The following MSR1 variants were observed in gnomAD, a reference collection of about 807,000 sequenced individuals.
The protein encoded by MSR1 is macrophage scavenger receptor types I and II.
In MSR1, 53 loss-of-function variants were observed where a neutral mutation model predicts 47.2. That is an observed-to-expected ratio of 1.12 (90% CI 0.90 to 1.41). The LOEUF is 1.41. Ranked by LOEUF, MSR1 falls within the 40% of genes most tolerant of loss-of-function variation. The pLI is 0.00. For missense variants in MSR1, 786 were observed against 546.9 expected, an observed-to-expected ratio of 1.44 and a Z score of -4.36; for synonymous variants, 239 against 185.6, an observed-to-expected ratio of 1.29 and a Z score of -2.34.
rs200325829 is a variant in MSR1, at chr8:16,184,806, A to AT, written c.-4-6815dup. ...TCTTTAAGTTTCTAACCTTTGATTT[A>AT]TTTTTTTTTAGCATATAGAAGTGAT... On this transcript the variant is annotated intron_variant, in intron 1 of 9. Transcript: ENST00000262101. Among the ~76,000 whole-genome samples, 627 of 150,870 alleles carry AT rather than the reference A, an allele frequency of 4.2e-3. 25 individuals are homozygous for AT. In the East Asian group the frequency reaches 0.098, roughly 24 times the overall value.
intron 9 of MSR1, 92 bp downstream of exon 9, chr8:16,120,326 G>C (rs1478719432): frequency 6.6e-6 from 9 of 1,362,222 alleles, no homozygotes; most frequent in Middle Eastern, 1.8e-4. Flanking sequence ...GCAGTGAGCC[G>C]AGATCGCGCC....
rs1388918261 is a variant in MSR1 at position 16,143,412 on chromosome 8, A to AC, written c.1033+145_1033+146insG. 6.7e-5 allele frequency: 41 copies of AC among 612,068 alleles called. No individual in the cohort carries two copies. The East Asian group carries it at 1.1e-3, about 17-fold the overall frequency. The allele number at this position is 612,068 out of a possible 1,614,324, so 37.9% of individuals were successfully genotyped here. A position where few individuals can be genotyped will look rare whatever the true frequency, so the allele number is the denominator to read the frequency against. Reference sequence around the variant, plus strand: ...TTGTTTTACCCCAATTAGCATGCTTATTTGTAGAAAATTATGTTTGGCTTC... The same window carrying AC: ...TTGTTTTACCCCAATTAGCATGCTTACTTTGTAGAAAATTATGTTTGGCTTC... On this transcript the variant is annotated intron_variant, in intron 8 of 9. Coordinates refer to ENST00000262101, the MANE Select transcript of MSR1 (RefSeq NM_138715.3).
rs1196565264 is a variant in MSR1 at position 16,122,933 on chromosome 8, C to T, written c.1034-2327G>A. On this transcript the variant is annotated intron_variant, in intron 8 of 9. Coordinates refer to ENST00000262101, the MANE Select transcript of MSR1 (RefSeq NM_138715.3). ...GATCTCGGCTCACTGCAAGCTCCAC[C>T]TCCCGGGTTCAAGCCATCCTCCTGC... 2.0e-5 allele frequency among the ~76,000 whole-genome samples: 3 copies of T among 148,702 alleles called. 1 individual carries two copies. Among genetic ancestry groups the T allele is most frequent in the Non-Finnish European group, 4.4e-5 (3 of 67,554 alleles).
intron 4 of MSR1, among the ~76,000 whole-genome samples, chr8:16,166,971 G>A (rs1022606254): frequency 6.8e-6 from 1 of 146,846 alleles, no homozygotes; most frequent in Admixed American, 6.8e-5. Flanking sequence ...ACACACACAT[G>A]CACGCACTGG....
At chr8:16,155,898 CTCA>C (rs1398531156) in intron 5 of MSR1, among the ~76,000 whole-genome samples, 14 of 151,758 alleles carry the variant, frequency 9.2e-5, no homozygotes, top group Non-Finnish European at 1.5e-5. Flanking sequence ...AAACTTTGGT[CTCA>C]TCATTTTTTT....
chr8:16,120,553 C>A lies in MSR1; in HGVS notation c.1087G>T (p.Val363Leu). ...CACTGGCCGCTGTGGAGTATCTCCACCCTCCCCTCGTGAGGGCCGCTCCCA... is the reference window on the plus strand; with the variant it reads ...CACTGGCCGCTGTGGAGTATCTCCAACCTCCCCTCGTGAGGGCCGCTCCCA... ...VGGSGPHEGRVEILHSGQWGT... is the reference protein window; with the variant it reads ...VGGSGPHEGRLEILHSGQWGT... Residue 363 changes from valine to leucine, a missense_variant, in exon 9 of 10, where the codon GTG becomes TTG. Transcript: ENST00000262101. The A allele has an allele frequency of 6.2e-7, 1 of 1,611,410 alleles. No individual in the cohort carries two copies. Among genetic ancestry groups the A allele is most frequent in the East Asian group, 2.2e-5 (1 of 44,700 alleles).
intron 1 of MSR1, among the ~76,000 whole-genome samples, chr8:16,187,364 C>CAAAAAAAAAAAA (rs751848634): frequency 3.1e-4 from 11 of 35,412 alleles, no homozygotes; most frequent in African/African-American, 1.3e-3. Flanking sequence ...ACTCTGTCTC[C>CAAAAAAAAAAAA]AAAAAAAAAA....
Position 16,120,445 on chromosome 8 carries a change from C to G in MSR1, c.1195G>C (p.Val399Leu), listed in dbSNP as rs774834555. The G allele has an allele frequency of 6.2e-7, 1 of 1,613,710 alleles. No individual in the cohort carries two copies. Among genetic ancestry groups the G allele is most frequent in the Non-Finnish European group, 8.5e-7 (1 of 1,179,892 alleles). Residue 399 changes from valine (V) to leucine (L), a missense_variant, in exon 9 of 10, where the codon GTG becomes CTG. By Grantham distance (32) the Val-to-Leu change is conservative. Transcript: ENST00000262101. Reference sequence around the variant, plus strand: ...TGTCCAAAGTGAGCTGCCTTGTGCACGGCTTGAACACCTGGGTATCCCAAG... The same window carrying G: ...TGTCCAAAGTGAGCTGCCTTGTGCAGGGCTTGAACACCTGGGTATCCCAAG... ...RSLGYPGVQAVHKAAHFGQGT... is the reference protein window; with the variant it reads ...RSLGYPGVQALHKAAHFGQGT...
intron 8 of MSR1, among the ~76,000 whole-genome samples, chr8:16,132,583 G>GA (rs2117087630): frequency 6.6e-6 from 1 of 152,126 alleles, no homozygotes; most frequent in East Asian, 1.9e-4. Flanking sequence ...TGCCTCCCAG[G>GA]TTCAAGTGAT....
At chr8:16,155,455 A>C (rs1469959324) in intron 5 of MSR1, among the ~76,000 whole-genome samples, 1 of 152,062 alleles carries the variant, frequency 6.6e-6, no homozygotes, top group East Asian at 1.9e-4. Flanking sequence ...GCACAAAGTC[A>C]CATTAGTGTT....
chr8:16,190,485 T>A (rs1802166520), intron 1 of MSR1, among the ~76,000 whole-genome samples: 1 of 152,126 alleles, frequency 6.6e-6, no homozygotes. Flanking sequence ...TATTTTTTAT[T>A]ATTAATGTAA....
intron 8 of MSR1, chr8:16,140,224 T>G: frequency 1.0e-6 from 1 of 984,920 alleles, no homozygotes; most frequent in Non-Finnish European, 1.2e-6. Flanking sequence ...TGTTCTAGAC[T>G]CTAGGTGAAT....
intron 8 of MSR1, among the ~76,000 whole-genome samples, chr8:16,143,319 T>A (rs1297718410): frequency 6.6e-6 from 1 of 152,080 alleles, no homozygotes; most frequent in Non-Finnish European, 1.5e-5. Flanking sequence ...TTTTAGAAAA[T>A]AGTATTCATC....
chr8:16,187,190 T>C (rs1202820434), intron 1 of MSR1, among the ~76,000 whole-genome samples: 3 of 151,230 alleles, frequency 2.0e-5, no homozygotes, highest in African/African-American at 7.3e-5. Flanking sequence ...GATGAAACCC[T>C]GTCTCTACTA....
chr8:16,188,026 T>C (rs2116941986), intron 1 of MSR1, among the ~76,000 whole-genome samples: 1 of 152,236 alleles, frequency 6.6e-6, no homozygotes, highest in African/African-American at 2.4e-5. Flanking sequence ...AGTTCCACAG[T>C]TAGGACAAAA....
chr8:16,149,827 T>A (rs1268289402), intron 7 of MSR1, among the ~76,000 whole-genome samples: 1 of 152,008 alleles, frequency 6.6e-6, no homozygotes, highest in Non-Finnish European at 1.5e-5. Context: ...ACACTTTGCT[T>A]CTTTTTTTTT....
At chr8:16,140,154 A>G in intron 8 of MSR1, 2 of 984,998 alleles carry the variant, frequency 2.0e-6, no homozygotes, top group Non-Finnish European at 2.4e-6. Context: ...TTTGAATATA[A>G]AGAACTCTCA....
intron 9 of MSR1, among the ~76,000 whole-genome samples, chr8:16,111,680 T>A (rs965050948): frequency 7.3e-5 from 11 of 151,422 alleles, no homozygotes; most frequent in Non-Finnish European, 1.2e-4. Context: ...GTTGTGGTCC[T>A]GATAATGAAA....
intron 1 of MSR1, among the ~76,000 whole-genome samples, chr8:16,179,315 G>T (rs868767381): frequency 6.6e-6 from 1 of 152,086 alleles, no homozygotes; most frequent in South Asian, 2.1e-4. Flanking sequence ...CAAAAGAGAG[G>T]ATTTGGGAAC....
Sources: gnomAD v4.1 joint callset for allele counts (sites outside exome capture counted in the v4.1 genomes callset) on GRCh38, gnomAD v4.1.1 for gene constraint, MANE v1.5 for transcripts, NCBI Gene and HGNC (gene_info 2026-07-23, HGNC 2026-07-21) for gene names.